The following ITGB1BP2 variants were observed in gnomAD, a reference collection of about 807,000 sequenced individuals.
The protein encoded by ITGB1BP2 is integrin beta-1-binding protein 2.
A neutral mutation model predicts 32.2 loss-of-function variants in ITGB1BP2; 27 were observed. The ratio of observed to expected loss-of-function variants is 0.84; its 90% CI spans 0.62 to 1.16. ITGB1BP2 has a LOEUF of 1.16. Among genes scored for constraint, ITGB1BP2 ranks in the 50% most tolerant of loss-of-function variants. The pLI is 0.00. For missense variants in ITGB1BP2, 250 were observed against 267.3 expected (o/e 0.94, Z 0.45); for synonymous variants, 105 against 94.7 (o/e 1.11, Z -0.63).
At position 71,303,277 on chromosome X, in the gene ITGB1BP2, G is replaced by C. The variant is rs2031644972; in HGVS notation, c.333G>C (p.Leu111=). 8.3e-7 allele frequency: 1 copy of C among 1,209,632 alleles called. No homozygotes were observed. Among genetic ancestry groups the C allele is most frequent in the Admixed American group, 2.2e-5 (1 of 45,664 alleles). Residue 111 remains leucine (L), a synonymous_variant, in exon 5 of 11, where the codon CTG becomes CTC. Transcript: ENST00000373829. The part of the protein sequence containing the change: ...RRERPKSELP[L]KLLPLNISQA... ...TAACCCCTAGGTCAGAGTTGCCTCT[G>C]AAGCTGCTGCCGCTAAATATATCCC...
Position 71,302,413 on chromosome X carries a change from C to T in ITGB1BP2, c.174C>T (p.Gly58=), listed in dbSNP as rs1443018649. 8.3e-7 allele frequency: 1 copy of T among 1,211,203 alleles called. No homozygotes were observed. The highest frequency in any genetic ancestry group is 3.0e-5 in the East Asian group (1 of 33,848). Residue 58 remains glycine, a splice_region_variant and synonymous_variant, in exon 4 of 11, where the codon GGC becomes GGT. Coordinates refer to ENST00000373829, the MANE Select transcript of ITGB1BP2 (RefSeq NM_012278.4). ...VDFSEFLNIK[G]CTMGPHCAEK... is the part of the protein sequence containing the mutation. ...TCCTATCTCCTTATCTATACTAGGG[C>T]TGTACTATGGGACCACACTGTGCTG...
In ITGB1BP2 at chrX:71,303,284, C is replaced by G. The variant is rs1250284308; in HGVS notation, c.340C>G (p.Leu114Val). The change falls in exon 5 of 11, where the codon CTG becomes GTG. Residue 114 changes from leucine (L) to valine (V), a missense_variant. Coordinates refer to ENST00000373829, the MANE Select transcript of ITGB1BP2 (RefSeq NM_012278.4). The stretch of plus-strand genomic sequence containing the variant: ...TAGGTCAGAGTTGCCTCTGAAGCTG[C>G]TGCCGCTAAATATATCCCAAGCCCT... ...RPKSELPLKLLPLNISQALEM... is the reference protein window; with the variant it reads ...RPKSELPLKLVPLNISQALEM... 2.5e-6 allele frequency: 3 copies of G among 1,211,459 alleles called. No individual in the cohort carries two copies. The highest frequency in any genetic ancestry group is 2.3e-4 in the Middle Eastern group (1 of 4,346).
chrX:71,302,418 C>T lies in ITGB1BP2; in HGVS notation c.179C>T (p.Thr60Ile). Residue 60 changes from threonine to isoleucine, a missense_variant, in exon 4 of 11, where the codon ACT (threonine) becomes ATT (isoleucine). Transcript: ENST00000373829. Reference sequence around the variant, plus strand: ...TCTCCTTATCTATACTAGGGCTGTACTATGGGACCACACTGTGCTGAGAAG... The same window carrying T: ...TCTCCTTATCTATACTAGGGCTGTATTATGGGACCACACTGTGCTGAGAAG... ...FSEFLNIKGC[T>I]MGPHCAEKLP... is the part of the protein sequence containing the mutation. 5.0e-6 allele frequency: 6 copies of T among 1,211,429 alleles called. No homozygotes were observed. The highest frequency in any genetic ancestry group is 6.7e-6 in the Non-Finnish European group (6 of 895,337).
chrX:71,302,336 A>G lies in ITGB1BP2; in HGVS notation c.171+3A>G. On this transcript the variant is annotated splice_donor_region_variant and intron_variant, in intron 3 of 10. Coordinates refer to ENST00000373829, the MANE Select transcript of ITGB1BP2 (RefSeq NM_012278.4). Reference sequence around the variant, plus strand: ...TCTCTGAGTTCTTAAACATCAAGGTAAATTATTTATGTACTTGGATTCTGC... The same window carrying G: ...TCTCTGAGTTCTTAAACATCAAGGTGAATTATTTATGTACTTGGATTCTGC... The G allele has an allele frequency of 8.3e-7, 1 of 1,210,918 alleles. No individual in the cohort carries two copies. Among genetic ancestry groups the G allele is most frequent in the South Asian group, 1.8e-5 (1 of 56,952 alleles).
chrX:71,304,394 C>A, intron 9 of ITGB1BP2, 94 bp downstream of exon 9: 2 of 867,838 alleles, frequency 2.3e-6, no homozygotes, highest in Non-Finnish European at 3.4e-6. Flanking sequence ...AACCTGTAGG[C>A]TCCATAGTAC....
intron 9 of ITGB1BP2, 56 bp from the exon 10 acceptor site, chrX:71,304,486 A>G (rs1163436649): frequency 2.7e-6 from 3 of 1,110,408 alleles, no homozygotes; most frequent in Non-Finnish European, 3.7e-6. Flanking sequence ...ATCTGTCGTA[A>G]TGACCTATTC....
intron 8 of ITGB1BP2, 76 bp from the exon 9 acceptor site, chrX:71,304,111 C>A: frequency 1.2e-6 from 1 of 831,366 alleles, no homozygotes; most frequent in Non-Finnish European, 1.8e-6. Context: ...TCTGTCTCTT[C>A]TCCACGTGCA....
At chrX:71,304,445 C>A in intron 9 of ITGB1BP2, 97 bp from the exon 10 acceptor site, 2 of 969,322 alleles carry the variant, frequency 2.1e-6, no homozygotes, top group Non-Finnish European at 2.9e-6. Flanking sequence ...GGCTGTCTGG[C>A]CAACCTGTGG....
rs1302999480 is a variant in ITGB1BP2 at position 71,302,321 on chromosome X, CTTAAACATCAAGGTAAA to C, written c.163_171+8del. The C allele has an allele frequency of 1.1e-5, 13 of 1,208,991 alleles. No homozygotes were observed. The highest frequency in any genetic ancestry group is 1.5e-5 in the Non-Finnish European group (13 of 894,972). On this transcript the variant is annotated splice_donor_variant and splice_donor_5th_base_variant and coding_sequence_variant and intron_variant, in exon 3 of 11. Transcript: ENST00000373829. LOFTEE classifies it high-confidence loss of function. ...AGCGAACTGTAGATTTCTCTGAGTT[CTTAAACATCAAGGTAAA>C]TTATTTATGTACTTGGATTCTGCCC...
rs1359166742 is a variant in ITGB1BP2, at chrX:71,303,358, T to C, written c.412+2T>C. On this transcript the variant is annotated splice_donor_variant, in intron 5 of 10. Transcript: ENST00000373829. LOFTEE classifies it high-confidence loss of function. The stretch of plus-strand genomic sequence containing the variant: ...AATTAGACCAGGAACCTGGGGCAGG[T>C]AGGTGGGTCTTTAGTAGGATCAACT... 10 of 1,207,397 alleles carry C rather than the reference T, an allele frequency of 8.3e-6. No individual in the cohort carries two copies. Among genetic ancestry groups the C allele is most frequent in the Non-Finnish European group, 1.1e-6 (1 of 893,407 alleles).
intron 8 of ITGB1BP2, 62 bp from the exon 9 acceptor site, chrX:71,304,125 T>G: frequency 1.1e-6 from 1 of 912,960 alleles, no homozygotes; most frequent in Non-Finnish European, 1.6e-6. Flanking sequence ...ACGTGCATCA[T>G]GAGAACTCCC....
At chrX:71,304,450 C>T (rs945951731) in intron 9 of ITGB1BP2, 92 bp from the exon 10 acceptor site, 2 of 976,530 alleles carry the variant, frequency 2.0e-6, no homozygotes, top group African/African-American at 3.8e-5. Flanking sequence ...TCTGGCCAAC[C>T]TGTGGATCAT....
Position 71,303,338 on chromosome X carries a change from G to T in ITGB1BP2, c.394G>T (p.Asp132Tyr). The T allele has an allele frequency of 8.3e-7, 1 of 1,211,586 alleles. No individual in the cohort carries two copies. Among genetic ancestry groups the T allele is most frequent in the Non-Finnish European group, 1.1e-6 (1 of 895,367 alleles). ...LEMALEQKEL[D>Y]QEPGAGLDSL... ...AATGGCATTGGAACAGAAGGAATTAGACCAGGAACCTGGGGCAGGTAGGTG... is the reference window on the plus strand; with the variant it reads ...AATGGCATTGGAACAGAAGGAATTATACCAGGAACCTGGGGCAGGTAGGTG... Residue 132 changes from aspartate (D) to tyrosine (Y), a missense_variant, in exon 5 of 11, where the codon GAC (aspartate) becomes TAC (tyrosine). Transcript: ENST00000373829.
chrX:71,303,596 G>A, intron 6 of ITGB1BP2, 31 bp from the exon 7 acceptor site: 1 of 1,205,471 alleles, frequency 8.3e-7, no homozygotes, highest in Non-Finnish European at 1.1e-6. Flanking sequence ...ATATACCTTA[G>A]AATGACCTGG....
At position 71,303,250 on chromosome X, in the gene ITGB1BP2, C is replaced by G; in HGVS notation, c.318-12C>G. 1 of 1,202,023 alleles carries G rather than the reference C, an allele frequency of 8.3e-7. No homozygotes were observed. Among genetic ancestry groups the G allele is most frequent in the Non-Finnish European group, 1.1e-6 (1 of 887,748 alleles). ...AATGGGTCAGAACTAAATCACCACC[C>G]TTAACCCCTAGGTCAGAGTTGCCTC... On this transcript the variant is annotated splice_polypyrimidine_tract_variant and intron_variant, in intron 4 of 10. Transcript: ENST00000373829.
chrX:71,304,311 A>G lies in ITGB1BP2; in HGVS notation c.753+11A>G. The stretch of plus-strand genomic sequence containing the variant: ...GCCAGTCAAACTGAGGTGAGCAATG[A>G]TCTGATGTTGGATGGGAGGATAGTC... On this transcript the variant is annotated intron_variant, in intron 9 of 10. Coordinates refer to ENST00000373829, the MANE Select transcript of ITGB1BP2 (RefSeq NM_012278.4). 8.8e-7 allele frequency: 1 copy of G among 1,130,984 alleles called. No homozygotes were observed. Among genetic ancestry groups the G allele is most frequent in the Non-Finnish European group, 1.2e-6 (1 of 822,513 alleles). 93.2% of individuals were successfully genotyped at this position (1,130,984 alleles called of 1,213,427 possible).
rs2031656033 is a variant in ITGB1BP2 at position 71,303,915 on chromosome X, A to G, written c.639+4A>G. 1 of 1,187,587 alleles carries G rather than the reference A, an allele frequency of 8.4e-7. No individual in the cohort carries two copies. Among genetic ancestry groups the G allele is most frequent in the Admixed American group, 2.2e-5 (1 of 44,492 alleles). ...TAGACATGACTGGGGGAAGCAGGTA[A>G]GCCCCAGCTTTCCTGAACTCTTGAT... On this transcript the variant is annotated splice_donor_region_variant and intron_variant, in intron 8 of 10. Transcript: ENST00000373829.
chrX:71,305,121 G>T lies in ITGB1BP2; in HGVS notation c.973G>T (p.Glu325Ter), dbSNP rs769914641. The change falls in exon 11 of 11, where the codon GAA becomes TAA. Residue 325 changes from glutamate (E) to a stop codon, truncating the protein, a stop_gained. Transcript: ENST00000373829. LOFTEE classifies it high-confidence loss of function. ...GGTTGTGTTAGAGATGGATGAGGAAGAATCTGACGATTCAGATGATGATCT... is the reference window on the plus strand; with the variant it reads ...GGTTGTGTTAGAGATGGATGAGGAATAATCTGACGATTCAGATGATGATCT... ...AGVVLEMDEE[E>*]SDDSDDDLSW... The T allele has an allele frequency of 2.5e-6, 3 of 1,210,473 alleles. No homozygotes were observed. Among genetic ancestry groups the T allele is most frequent in the Admixed American group, 4.4e-5 (2 of 45,838 alleles).
chrX:71,305,139 G>A lies in ITGB1BP2; in HGVS notation c.991G>A (p.Asp331Asn). The change falls in exon 11 of 11, where the codon GAT (aspartate) becomes AAT (asparagine). Residue 331 changes from aspartate (D) to asparagine (N), a missense_variant. Physicochemically the swap from Asp to Asn is conservative, Grantham distance 23. Transcript: ENST00000373829. The part of the protein sequence containing the change: ...MDEEESDDSD[D>N]DLSWTEEEEE... ...TGAGGAAGAATCTGACGATTCAGAT[G>A]ATGATCTGAGCTGGACAGAGGAGGA... 1.7e-6 allele frequency: 2 copies of A among 1,209,622 alleles called. No homozygotes were observed. Among genetic ancestry groups the A allele is most frequent in the Non-Finnish European group, 2.2e-6 (2 of 894,337 alleles).
Sources: gnomAD v4.1 joint callset for allele counts on GRCh38, gnomAD v4.1.1 for gene constraint, MANE v1.5 for transcripts, NCBI Gene and HGNC (gene_info 2026-07-23, HGNC 2026-07-21) for gene names.